The following NTN1 variants were observed in gnomAD, a reference collection of about 807,000 sequenced individuals.
NTN1 encodes the protein netrin-1.
Under a neutral mutation model 54.2 loss-of-function variants are expected in NTN1, and 11 were observed. That is an observed-to-expected ratio of 0.20 (90% CI 0.13 to 0.34). NTN1 has a LOEUF of 0.34. NTN1 is among the 10% of genes least tolerant of loss of function. NTN1 has a pLI of 1.00. For missense variants in NTN1, 740 were observed against 893.1 expected (o/e 0.83, Z 2.18); for synonymous variants, 371 against 382.0 (o/e 0.97, Z 0.33).
At chr17:9,042,173 A>G (rs531671379) in intron 2 of NTN1, among the ~76,000 whole-genome samples, 1 of 152,054 alleles carries the variant, frequency 6.6e-6, no homozygotes, top group Admixed American at 6.6e-5. Context: ...TATCATTTTG[A>G]TTATAGCCAT....
chr17:9,074,386 C>T (rs1243069683), intron 2 of NTN1, among the ~76,000 whole-genome samples: 1 of 152,160 alleles, frequency 6.6e-6, no homozygotes. Context: ...CCAGCCTTCT[C>T]GAAAATGTGT....
At chr17:9,116,442 C>G (rs1299156164) in intron 2 of NTN1, among the ~76,000 whole-genome samples, 1 of 152,142 alleles carries the variant, frequency 6.6e-6, no homozygotes, top group African/African-American at 2.4e-5. Context: ...TTTTTGTGAC[C>G]CGGGGAGGGG....
the NTN1 span, among the ~76,000 whole-genome samples, chr17:9,014,144 C>A: frequency 6.6e-6 from 1 of 152,146 alleles, no homozygotes; most frequent in Non-Finnish European, 1.5e-5. Flanking sequence ...TCTCCAGGAA[C>A]GCTTCCCACT....
chr17:9,186,908 G>A (rs571623518), intron 5 of NTN1, among the ~76,000 whole-genome samples: 4 of 152,256 alleles, frequency 2.6e-5, no homozygotes, highest in East Asian at 1.9e-4. Flanking sequence ...ACTTGAATGC[G>A]GCATTAGCGA....
chr17:9,095,924 C>T (rs188353930), intron 2 of NTN1, among the ~76,000 whole-genome samples: 3 of 151,940 alleles, frequency 2.0e-5, no homozygotes. Flanking sequence ...CTCAGCCTCC[C>T]GAGTAGCTGG....
rs1905121834 is a variant in NTN1 at position 9,212,220 on chromosome 17, T to G, written c.1412-8948T>G. Among the ~76,000 whole-genome samples the G allele has an allele frequency of 6.6e-6, 1 of 152,038 alleles. No homozygotes were observed. The highest frequency in any genetic ancestry group is 2.4e-5 in the African/African-American group (1 of 41,398). ...GCTCTACCCCTGGATGAGGTGCTGT[T>G]GGTGAGGGTGGTAAGAAGGTGGTCT... On this transcript the variant is annotated intron_variant, in intron 5 of 6. Coordinates refer to ENST00000173229, the MANE Select transcript of NTN1 (RefSeq NM_004822.3). The surrounding 1 kb of genome is among the most constrained non-coding windows in gnomAD (Gnocchi z 5.5).
At chr17:9,210,862 C>T (rs1905089937) in intron 5 of NTN1, among the ~76,000 whole-genome samples, 1 of 115,458 alleles carries the variant, frequency 8.7e-6, no homozygotes, top group Non-Finnish European at 1.6e-5. Flanking sequence ...GCCAAGATCA[C>T]ACCACTGCAC....
Position 9,072,922 on chromosome 17 carries a change from C to CT in NTN1, c.1018+49537dup, listed in dbSNP as rs1223971215. Among the ~76,000 whole-genome samples, 5 of 152,286 alleles carry CT rather than the reference C, an allele frequency of 3.3e-5. No individual in the cohort carries two copies. The East Asian group carries it at 7.7e-4, about 23-fold the overall frequency. Reference sequence around the variant, plus strand: ...TGGCAATCCGGAATGGGACTGTTTACTTTTTTCTTCCTCTTTCCTTCCCCA... The same window carrying CT: ...TGGCAATCCGGAATGGGACTGTTTACTTTTTTTCTTCCTCTTTCCTTCCCCA... On this transcript the variant is annotated intron_variant, in intron 2 of 6. Transcript: ENST00000173229.
chr17:9,133,478 T>G (rs1265132949), intron 2 of NTN1, among the ~76,000 whole-genome samples: 2 of 152,214 alleles, frequency 1.3e-5, no homozygotes, highest in Non-Finnish European at 2.9e-5. Context: ...TGTCTACACC[T>G]GTAACGACCA....
chr17:9,105,610 T>G (rs2142246199), intron 2 of NTN1, among the ~76,000 whole-genome samples: 1 of 152,268 alleles, frequency 6.6e-6, no homozygotes, highest in Non-Finnish European at 1.5e-5. Context: ...AAACAGGATT[T>G]TCTCCTAAAA....
At chr17:9,187,676 A>C (rs1301094901) in intron 5 of NTN1, among the ~76,000 whole-genome samples, 1 of 151,290 alleles carries the variant, frequency 6.6e-6, no homozygotes, top group Non-Finnish European at 1.5e-5. Context: ...AAAAAAAAAA[A>C]AAACATTAGC....
rs370736225 is a variant in NTN1, at chr17:9,058,898, T to C, written c.1018+35507T>C. On this transcript the variant is annotated intron_variant, in intron 2 of 6. Coordinates refer to ENST00000173229, the MANE Select transcript of NTN1 (RefSeq NM_004822.3). ...TGGTTTAAGAGCCCACAATCTGGAG[T>C]TAGACTACCTGGGTTCAAATCCAGA... 2.0e-5 allele frequency among the ~76,000 whole-genome samples: 3 copies of C among 152,026 alleles called. No homozygotes were observed. The East Asian group carries it at 5.8e-4, about 29-fold the overall frequency.
intron 3 of NTN1, among the ~76,000 whole-genome samples, chr17:9,179,317 C>G (rs1567730485): frequency 6.6e-6 from 1 of 152,176 alleles, no homozygotes; most frequent in Non-Finnish European, 1.5e-5. Context: ...TCTAACCTGG[C>G]AAACCCCAGA....
intron 2 of NTN1, among the ~76,000 whole-genome samples, chr17:9,103,165 G>T (rs754281391): frequency 5.3e-5 from 8 of 152,190 alleles, no homozygotes; most frequent in Non-Finnish European, 1.0e-4. Flanking sequence ...GATTGACAGG[G>T]TATATACTCA....
intron 2 of NTN1, among the ~76,000 whole-genome samples, chr17:9,110,576 C>T (rs1283396808): frequency 2.0e-5 from 3 of 152,106 alleles, no homozygotes; most frequent in Non-Finnish European, 4.4e-5. Flanking sequence ...CCCAGCCCCT[C>T]CTGCCTCTTT....
chr17:9,020,395 C>CT (rs937930960), upstream of NTN1, among the ~76,000 whole-genome samples: 18 of 152,308 alleles, frequency 1.2e-4, no homozygotes, highest in African/African-American at 4.1e-4. Context: ...TGTCCTCAGT[C>CT]TTTTTATTGG....
At chr17:9,069,266 T>A (rs2092025419) in intron 2 of NTN1, among the ~76,000 whole-genome samples, 1 of 151,880 alleles carries the variant, frequency 6.6e-6, no homozygotes, top group Non-Finnish European at 1.5e-5. Flanking sequence ...ATTAAAACAT[T>A]TTAAAGGTCT....
At chr17:9,130,801 C>T (rs1597499162) in intron 2 of NTN1, among the ~76,000 whole-genome samples, 1 of 152,198 alleles carries the variant, frequency 6.6e-6, no homozygotes, top group South Asian at 2.1e-4. Flanking sequence ...AATGGTCTCC[C>T]AAGCTCCACA....
intron 5 of NTN1, among the ~76,000 whole-genome samples, chr17:9,207,009 A>G (rs540554749): frequency 6.6e-6 from 1 of 152,104 alleles, no homozygotes. Context: ...CCTTTGGAGT[A>G]TGGGAGTGCC....
Sources: allele counts gnomAD v4.1 joint callset (sites outside exome capture counted in the v4.1 genomes callset), GRCh38; gene constraint gnomAD v4.1.1; non-coding constraint Gnocchi (gnomAD v3.1); transcripts MANE v1.5; gene names NCBI Gene and HGNC (gene_info 2026-07-23, HGNC 2026-07-21).